Variants in SLC24A2 observed in about 807,000 individuals in gnomAD.
SLC24A2 encodes solute carrier family 24 member 2, also known as sodium/potassium/calcium exchanger 2.
SLC24A2 carries 36 observed loss-of-function variants against 62.0 expected under a neutral mutation model. The observed-to-expected ratio is 0.58, with a 90% confidence interval of 0.44 to 0.77. SLC24A2 has a LOEUF of 0.77. Ranked by LOEUF, SLC24A2 falls within the 30% of genes least tolerant of loss-of-function variation. SLC24A2 has a pLI of 0.00. For missense variants in SLC24A2, 846 were observed against 817.9 expected, an observed-to-expected ratio of 1.03 and a Z score of -0.42; for synonymous variants, 358 against 294.0, an observed-to-expected ratio of 1.22 and a Z score of -2.23.
At chr9:19,642,536 A>G (rs1818527681) in intron 2 of SLC24A2, among the ~76,000 whole-genome samples, 1 of 152,194 alleles carries the variant, frequency 6.6e-6, no homozygotes, top group Non-Finnish European at 1.5e-5. Flanking sequence ...CTGAGAACCA[A>G]GTTCACTAAT....
chr9:19,803,450 G>C, the SLC24A2 span, among the ~76,000 whole-genome samples: 1 of 152,050 alleles, frequency 6.6e-6, no homozygotes, highest in Non-Finnish European at 1.5e-5. Context: ...GAAATATATT[G>C]ACATAAAAAC....
At chr9:20,118,851 C>T in the SLC24A2 span, among the ~76,000 whole-genome samples, 1 of 152,178 alleles carries the variant, frequency 6.6e-6, no homozygotes, top group South Asian at 2.1e-4. Flanking sequence ...TCTCCCCTCC[C>T]TTGAGTGCAG....
chr9:19,609,718 C>G (rs545919885), intron 4 of SLC24A2, among the ~76,000 whole-genome samples: 20 of 152,262 alleles, frequency 1.3e-4, no homozygotes, highest in South Asian at 8.3e-4. Flanking sequence ...CTTTAGTTCA[C>G]CAGTCCCCAG....
chr9:19,834,818 C>T, the SLC24A2 span, among the ~76,000 whole-genome samples: 6 of 152,088 alleles, frequency 3.9e-5, no homozygotes, highest in East Asian at 1.9e-4. Context: ...TTAAGGGCAG[C>T]CAGAGAGAAA....
chr9:19,940,483 C>T, the SLC24A2 span, among the ~76,000 whole-genome samples: 3 of 152,172 alleles, frequency 2.0e-5, no homozygotes, highest in Non-Finnish European at 4.4e-5. Context: ...TCAACTTCCT[C>T]GTGTAGAATT....
chr9:19,635,730 T>C (rs779399577), intron 2 of SLC24A2, among the ~76,000 whole-genome samples: 14 of 152,244 alleles, frequency 9.2e-5, no homozygotes, highest in Non-Finnish European at 2.1e-4. Flanking sequence ...ATTAGATTCA[T>C]TTTTAACATT....
chr9:20,101,407 A>G, the SLC24A2 span, among the ~76,000 whole-genome samples: 3 of 152,360 alleles, frequency 2.0e-5, no homozygotes, highest in South Asian at 2.1e-4. Context: ...CTTTCTATAT[A>G]GTGTCTATTA....
At chr9:19,873,232 C>T in the SLC24A2 span, among the ~76,000 whole-genome samples, 2 of 151,690 alleles carry the variant, frequency 1.3e-5, no homozygotes, top group Non-Finnish European at 2.9e-5. Flanking sequence ...TCCCTTCCTT[C>T]GTCTTCCTCC....
rs1043132894 is a variant in SLC24A2, at chr9:19,528,072, A to G, written c.1546T>C (p.Leu516=). 2.5e-6 allele frequency: 4 copies of G among 1,596,522 alleles called. No homozygotes were observed. The African/African-American group carries it at 4.0e-5, about 16-fold the overall frequency. The part of the protein sequence containing the change: ...SITWIAVFSY[L]MVWWAHQVGE... ...ACCTGGTGCGCCCACCAGACCATCAAGTAAGAGAATACTGCAATCCAGGTA... is the reference window on the plus strand; with the variant it reads ...ACCTGGTGCGCCCACCAGACCATCAGGTAAGAGAATACTGCAATCCAGGTA... Residue 516 remains leucine, a synonymous_variant, in exon 9 of 11, where the codon TTG becomes CTG. Transcript: ENST00000341998.
At chr9:19,703,232 T>TA (rs2118539820) in intron 2 of SLC24A2, among the ~76,000 whole-genome samples, 1 of 152,320 alleles carries the variant, frequency 6.6e-6, no homozygotes, top group Admixed American at 6.5e-5. Flanking sequence ...GCAGTGCAGA[T>TA]ACTGTATCCA....
In SLC24A2 at chr9:19,724,625, A is replaced by G. The variant is rs544854623; in HGVS notation, c.930+61312T>C. Among the ~76,000 whole-genome samples, 148 of 152,292 alleles carry G rather than the reference A, an allele frequency of 9.7e-4. 1 individual carries two copies. The highest frequency in any genetic ancestry group is 3.3e-3 in the African/African-American group (136 of 41,564). ...AAATAATGCCAAGTGTCTTTATGAC[A>G]TTTGTAAACGGAGAACATTCAGCTT... is the stretch of plus-strand genomic sequence containing the variant. On this transcript the variant is annotated intron_variant, in intron 2 of 10. Transcript: ENST00000341998.
the SLC24A2 span, among the ~76,000 whole-genome samples, chr9:20,276,383 T>A: frequency 6.6e-6 from 1 of 152,232 alleles, no homozygotes; most frequent in African/African-American, 2.4e-5. Context: ...TTTGACTCCA[T>A]GTCTCGCATC....
intron 5 of SLC24A2, among the ~76,000 whole-genome samples, chr9:19,589,632 A>T (rs766393174): frequency 3.9e-5 from 6 of 152,192 alleles, no homozygotes; most frequent in Non-Finnish European, 5.9e-5. Flanking sequence ...ACACATTAGG[A>T]ACTATCTAAT....
chr9:20,202,109 T>G, the SLC24A2 span, among the ~76,000 whole-genome samples: 4 of 150,542 alleles, frequency 2.7e-5, no homozygotes, highest in South Asian at 8.5e-4. Context: ...ACTCTAAACC[T>G]GGGTAAGCAT....
chr9:19,920,517 G>C, the SLC24A2 span, among the ~76,000 whole-genome samples: 7 of 152,172 alleles, frequency 4.6e-5, no homozygotes, highest in Non-Finnish European at 8.8e-5. Flanking sequence ...AAGTGAAACA[G>C]GGGAGGGAAG....
chr9:20,218,465 T>A, the SLC24A2 span, among the ~76,000 whole-genome samples: 17,427 of 152,194 alleles, frequency 0.11, 2,278 homozygotes, highest in East Asian at 0.61. Flanking sequence ...TGTGTCGGAA[T>A]GTGTGTCCTT....
At chr9:19,888,109 C>T in the SLC24A2 span, among the ~76,000 whole-genome samples, 13 of 152,256 alleles carry the variant, frequency 8.5e-5, no homozygotes, top group African/African-American at 2.9e-4. Context: ...GCACCTGTTC[C>T]CCCAAAACCT....
At chr9:20,191,397 C>T in the SLC24A2 span, among the ~76,000 whole-genome samples, 4 of 151,902 alleles carry the variant, frequency 2.6e-5, no homozygotes, top group Non-Finnish European at 5.9e-5. Flanking sequence ...TAAATGGTGC[C>T]TTCCCGTGCC....
intron 5 of SLC24A2, among the ~76,000 whole-genome samples, chr9:19,581,327 G>A (rs993776019): frequency 6.6e-6 from 1 of 152,180 alleles, no homozygotes; most frequent in African/African-American, 2.4e-5. Flanking sequence ...TTAAAATGGG[G>A]ACATGATGAT....
Sources: gnomAD v4.1 joint callset for allele counts (sites outside exome capture counted in the v4.1 genomes callset) on GRCh38, gnomAD v4.1.1 for gene constraint, MANE v1.5 for transcripts, NCBI Gene and HGNC (gene_info 2026-07-23, HGNC 2026-07-21) for gene names.